Variants in TRIM69 observed in about 807,000 individuals in gnomAD.
TRIM69 encodes tripartite motif containing 69.
A neutral mutation model predicts 37.7 loss-of-function variants in TRIM69; 29 were observed. The observed-to-expected ratio is 0.77, with a 90% CI of 0.57 to 1.05. The LOEUF (loss-of-function observed/expected upper bound fraction) is 1.05. Ranked by LOEUF, TRIM69 falls within the 50% of genes least tolerant of loss-of-function variation. The probability of loss-of-function intolerance (pLI) is 0.00; values close to 1 mark genes in which losing one functional copy is unlikely to be tolerated. For synonymous variants in TRIM69, 209 were observed against 212.4 expected, an observed-to-expected ratio of 0.98 and a Z score of 0.14; for missense variants, 596 against 579.9, an observed-to-expected ratio of 1.03 and a Z score of -0.28.
At chr15:44,754,757 C>G (rs1002707615) in intron 1 of TRIM69, 143 bp from the exon 2 acceptor site, 12 of 675,806 alleles carry the variant, frequency 1.8e-5, no homozygotes, top group African/African-American at 5.4e-5. Flanking sequence ...ACTCAAGTTA[C>G]TGGTTCACTT....
In TRIM69 at chr15:44,760,099, C is replaced by T. The variant is rs7169922; in HGVS notation, c.961+227C>T. 3.0e-3 allele frequency among the ~76,000 whole-genome samples: 459 copies of T among 152,308 alleles called. 4 individuals carry two copies. Among genetic ancestry groups the T allele is most frequent in the African/African-American group, 0.01 (434 of 41,580 alleles). ...TATGAGTTTGATATCAGGATTACTT[C>T]TTAGCATATGATTTTGACTGATTTA... On this transcript the variant is annotated intron_variant, in intron 6 of 6. Transcript: ENST00000329464.
At chr15:44,741,643 T>C (rs936882700) in intron 1 of TRIM69, among the ~76,000 whole-genome samples, 13 of 152,214 alleles carry the variant, frequency 8.5e-5, no homozygotes, top group Admixed American at 5.2e-4. Flanking sequence ...ATATCACCAC[T>C]GATCCCACAG....
intron 1 of TRIM69, among the ~76,000 whole-genome samples, chr15:44,738,402 C>T (rs868168033): frequency 6.6e-6 from 1 of 152,180 alleles, no homozygotes; most frequent in South Asian, 2.1e-4. Context: ...GTGATTCCTG[C>T]CAGCCAGGGC....
chr15:44,737,979 G>A (rs2087195804), intron 1 of TRIM69, among the ~76,000 whole-genome samples: 1 of 151,674 alleles, frequency 6.6e-6, no homozygotes, highest in Non-Finnish European at 1.5e-5. Flanking sequence ...GGACTTCATA[G>A]CTCTTTGCCT....
chr15:44,766,336 A>T (rs973746809), intron 6 of TRIM69, among the ~76,000 whole-genome samples: 1 of 152,222 alleles, frequency 6.6e-6, no homozygotes, highest in Admixed American at 6.5e-5. Context: ...TAGCAATGAC[A>T]TAAACCACTC....
intron 3 of TRIM69, 114 bp downstream of exon 3, chr15:44,756,577 T>G: frequency 9.2e-5 from 60 of 649,728 alleles, no homozygotes; most frequent in Non-Finnish European, 1.3e-4. Context: ...AAATGGTACC[T>G]AGGCTATGGA....
At chr15:44,760,005 T>C (rs1342491262) in intron 6 of TRIM69, 133 bp downstream of exon 6, 3 of 958,146 alleles carry the variant, frequency 3.1e-6, no homozygotes, top group East Asian at 2.4e-5. Flanking sequence ...AAAAGGAGGC[T>C]AGTTGGTATG....
In TRIM69 at chr15:44,736,619, T is replaced by C. The variant is rs561116711; in HGVS notation, c.-86T>C. ...AGCCCATTCCTTGAAAACTAAAAGG[T>C]CCCTGACTCCCAGTCTGCAGCCATC... On this transcript the variant is annotated 5_prime_UTR_variant, in exon 1 of 7. Transcript: ENST00000329464. The C allele has an allele frequency of 7.5e-4, 1,150 of 1,537,274 alleles. 14 individuals carry two copies. The African/African-American group carries it at 0.014, about 19-fold the overall frequency.
At position 44,758,625 on chromosome 15, in the gene TRIM69, A is replaced by G. The variant is rs2087703703; in HGVS notation, c.584A>G (p.Asn195Ser). ...GATAATCATGGAGGTTTCCAGGAAA[A>G]CAAGCTACATCTGCAGCAACATGTG... ...QKEAIAAHKE[N>S]KLHLQQHVSM... Residue 195 changes from asparagine to serine, a missense_variant, in exon 4 of 7, where the codon AAC (asparagine) becomes AGC (serine). Asn to Ser is a conservative substitution (Grantham distance 46). Coordinates refer to ENST00000329464, the MANE Select transcript of TRIM69 (RefSeq NM_182985.5). The G allele has an allele frequency of 6.2e-7, 1 of 1,613,922 alleles. No individual in the cohort carries two copies. The highest frequency in any genetic ancestry group is 1.7e-5 in the Admixed American group (1 of 59,988).
intron 1 of TRIM69, among the ~76,000 whole-genome samples, chr15:44,748,601 G>C (rs1407961883): frequency 3.3e-5 from 5 of 151,858 alleles, no homozygotes; most frequent in Admixed American, 1.3e-4. Flanking sequence ...AAGGTGGGTG[G>C]ATCACTTGAG....
chr15:44,756,501 G>C, intron 3 of TRIM69, 38 bp downstream of exon 3: 1 of 1,378,312 alleles, frequency 7.3e-7, no homozygotes, highest in East Asian at 2.5e-5. Context: ...GATAGAACTG[G>C]AACACACCCT....
rs1221959773 is a variant in TRIM69 at position 44,750,725 on chromosome 15, T to C, written c.7-4175T>C. On this transcript the variant is annotated intron_variant, in intron 1 of 6. Coordinates refer to ENST00000329464, the MANE Select transcript of TRIM69 (RefSeq NM_182985.5). ...ATTTCATTACTTTTTCTTTTTTTTT[T>C]TTTTTTTTTTTTTTTTTGAGACGGA... is the stretch of plus-strand genomic sequence containing the variant. Among the ~76,000 whole-genome samples, 68 of 116,636 alleles carry C rather than the reference T, an allele frequency of 5.8e-4. 2 individuals are homozygous for C. The highest frequency in any genetic ancestry group is 9.6e-4 in the East Asian group (4 of 4,166). The allele number at this position is 116,636 out of a possible 152,430, so 76.5% of individuals were successfully genotyped here.
chr15:44,750,881 C>T (rs774387496), intron 1 of TRIM69, among the ~76,000 whole-genome samples: 2 of 148,962 alleles, frequency 1.3e-5, no homozygotes, highest in South Asian at 2.1e-4. Context: ...CCTGCCACCA[C>T]GCCTGGCTGA....
At chr15:44,758,552 T>C (rs2087701079) in intron 3 of TRIM69, 69 bp from the exon 4 acceptor site, 2 of 1,584,486 alleles carry the variant, frequency 1.3e-6, no homozygotes, top group Admixed American at 1.7e-5. Context: ...TGAGTGTTGG[T>C]GGTGTGGGCC....
chr15:44,766,369 C>G (rs1476801785), intron 6 of TRIM69, among the ~76,000 whole-genome samples: 1 of 152,212 alleles, frequency 6.6e-6, no homozygotes, highest in Non-Finnish European at 1.5e-5. Context: ...ATCTCATTAT[C>G]TGTTAAACCA....
At chr15:44,745,701 T>C (rs141240260) in intron 1 of TRIM69, among the ~76,000 whole-genome samples, 1 of 152,172 alleles carries the variant, frequency 6.6e-6, no homozygotes, top group African/African-American at 2.4e-5. Context: ...AGCAAAGATG[T>C]AGAAGTTATA....
intron 1 of TRIM69, among the ~76,000 whole-genome samples, chr15:44,747,330 ATTGT>A (rs879927928): frequency 3.8e-4 from 58 of 152,308 alleles, no homozygotes; most frequent in Middle Eastern, 3.4e-3. Flanking sequence ...CCATGCAAAC[ATTGT>A]TTTATAAAGA....
At chr15:44,742,432 A>G (rs1473380986) in intron 1 of TRIM69, among the ~76,000 whole-genome samples, 1 of 141,674 alleles carries the variant, frequency 7.1e-6, no homozygotes. Context: ...CTCTCTCACC[A>G]CTCCTATTCA....
intron 1 of TRIM69, among the ~76,000 whole-genome samples, chr15:44,746,121 G>C (rs1433537552): frequency 6.6e-6 from 1 of 152,106 alleles, no homozygotes; most frequent in Non-Finnish European, 1.5e-5. Flanking sequence ...AGTAGCAAGA[G>C]TGAAGTGACT....
Sources: allele counts gnomAD v4.1 joint callset (sites outside exome capture counted in the v4.1 genomes callset), GRCh38; gene constraint gnomAD v4.1.1; transcripts MANE v1.5; gene names NCBI Gene and HGNC (gene_info 2026-07-23, HGNC 2026-07-21).